Variants in DBR1 observed in about 807,000 individuals in gnomAD.
The protein encoded by DBR1 is debranching RNA lariats 1, also known as lariat debranching enzyme.
A neutral mutation model predicts 45.9 loss-of-function variants in DBR1; 33 were observed. The ratio of observed to expected loss-of-function variants is 0.72; its 90% CI spans 0.55 to 0.96. The LOEUF is 0.96. Among genes scored for constraint, DBR1 ranks in the 40% least tolerant of loss-of-function variants. The probability of loss-of-function intolerance (pLI) is 0.00; values close to 1 mark genes in which losing one functional copy is unlikely to be tolerated. For synonymous variants in DBR1, 235 were observed against 235.9 expected (o/e 1.00, Z 0.04); for missense variants, 619 against 667.4 (o/e 0.93, Z 0.80).
At chr3:138,167,543 GC>G (rs2107903971) in intron 4 of DBR1, among the ~76,000 whole-genome samples, 1 of 152,162 alleles carries the variant, frequency 6.6e-6, no homozygotes, top group East Asian at 1.9e-4. Context: ...CAGTGGCAAG[GC>G]AAGGCAATGG....
chr3:138,171,542 A>T, intron 3 of DBR1, 91 bp downstream of exon 3: 1 of 765,234 alleles, frequency 1.3e-6, no homozygotes, highest in Non-Finnish European at 2.2e-6. Context: ...GAGGATACAA[A>T]GATATATGAA....
intron 5 of DBR1, among the ~76,000 whole-genome samples, chr3:138,164,464 G>T (rs980918120): frequency 6.6e-6 from 1 of 152,116 alleles, no homozygotes; most frequent in Non-Finnish European, 1.5e-5. Flanking sequence ...CAAATCTATA[G>T]AAACACAAAG....
At chr3:138,170,764 AT>A (rs1429890243) in intron 3 of DBR1, among the ~76,000 whole-genome samples, 1 of 152,244 alleles carries the variant, frequency 6.6e-6, no homozygotes, top group Non-Finnish European at 1.5e-5. Flanking sequence ...ATCGATGTGA[AT>A]CCAAGCTATT....
In DBR1 at chr3:138,161,885, C is replaced by T. The variant is rs745898760; in HGVS notation, c.*4G>A. On this transcript the variant is annotated 3_prime_UTR_variant, in exon 8 of 8. Coordinates refer to ENST00000260803, the MANE Select transcript of DBR1 (RefSeq NM_016216.4). ...AAACACAAAAACAAAACAAGTAAAT[C>T]ATCTTAAGCTGCATCGTCATCATCA... is the stretch of plus-strand genomic sequence containing the variant. The T allele has an allele frequency of 6.2e-7, 1 of 1,601,086 alleles. No individual in the cohort carries two copies.
chr3:138,168,650 A>ACT (rs1320544086), intron 4 of DBR1, among the ~76,000 whole-genome samples: 2 of 151,578 alleles, frequency 1.3e-5, no homozygotes, highest in Non-Finnish European at 2.9e-5. Flanking sequence ...TAGGGTAATG[A>ACT]CTCTAAACTA....
rs747051713 is a variant in DBR1, at chr3:138,162,132, A to T, written c.1392T>A (p.Ser464Arg). 1 of 1,614,190 alleles carries T rather than the reference A, an allele frequency of 6.2e-7. No individual in the cohort carries two copies. The highest frequency in any genetic ancestry group is 1.3e-5 in the African/African-American group (1 of 75,050). ...CTGGCAAGATCCTGACATCAGAGAA[A>T]CTTGCAGAAAACTCAGAAGCTTGAT... is the stretch of plus-strand genomic sequence containing the variant. ...PSDQASEFSA[S>R]FSDVRILPGS... Residue 464 changes from serine to arginine, a missense_variant, in exon 8 of 8, where the codon AGT becomes AGA. Ser to Arg is a moderately radical substitution (Grantham distance 110). Coordinates refer to ENST00000260803, the MANE Select transcript of DBR1 (RefSeq NM_016216.4).
At position 138,174,717 on chromosome 3, in the gene DBR1, C is replaced by G. The variant is rs140271970; in HGVS notation, c.79G>C (p.Gly27Arg). 7 of 1,612,620 alleles carry G rather than the reference C, an allele frequency of 4.3e-6. No individual in the cohort carries two copies. Among genetic ancestry groups the G allele is most frequent in the Non-Finnish European group, 5.9e-6 (7 of 1,179,654 alleles). ...AGCAAGAGGTCGACAGGCCCCGGGC[C>G]GCGCCGCTCTGCCAGCGCCAGCGTC... ...YETLALAERR[G>R]PGPVDLLLCC... is the part of the protein sequence containing the mutation. Residue 27 changes from glycine to arginine, a missense_variant, in exon 1 of 8, where the codon GGC becomes CGC. Coordinates refer to ENST00000260803, the MANE Select transcript of DBR1 (RefSeq NM_016216.4).
At chr3:138,168,442 C>T (rs559388929) in intron 4 of DBR1, among the ~76,000 whole-genome samples, 1 of 151,488 alleles carries the variant, frequency 6.6e-6, no homozygotes, top group African/African-American at 2.4e-5. Context: ...ATCGCTTGAA[C>T]CCAGGAGGCA....
At chr3:138,166,745 G>A (rs546085575) in intron 5 of DBR1, among the ~76,000 whole-genome samples, 1 of 152,244 alleles carries the variant, frequency 6.6e-6, no homozygotes, top group South Asian at 2.1e-4. Context: ...TCGAGCCTCT[G>A]CACATGCCAG....
chr3:138,163,236 C>T, intron 7 of DBR1, 113 bp downstream of exon 7: 2 of 1,075,896 alleles, frequency 1.9e-6, no homozygotes, highest in South Asian at 3.4e-5. Flanking sequence ...CACTGCAGTC[C>T]AGTTTGGATA....
chr3:138,173,621 T>C lies in DBR1; in HGVS notation c.203A>G (p.Tyr68Cys), dbSNP rs2042965092. 6.2e-7 allele frequency: 1 copy of C among 1,612,716 alleles called. No homozygotes were observed. Among genetic ancestry groups the C allele is most frequent in the Non-Finnish European group, 8.5e-7 (1 of 1,179,604 alleles). Residue 68 changes from tyrosine to cysteine, a missense_variant, in exon 2 of 8, where the codon TAC (tyrosine) becomes TGC (cysteine). Physicochemically the swap from Tyr to Cys is radical, Grantham distance 194 (BLOSUM62 -2). This residue lies in a region of DBR1 where 430 missense variants were observed against 447.7 expected (regional missense o/e 0.96). Coordinates refer to ENST00000260803, the MANE Select transcript of DBR1 (RefSeq NM_016216.4). ...AACTGGAGCCTTTTTCTCTCCAGAG[T>C]AATACCTAGAACATAAGAGCAAAGT... ...YRHMQTFYRY[Y>C]SGEKKAPVLT...
chr3:138,169,292 G>A (rs2107904840), intron 4 of DBR1, among the ~76,000 whole-genome samples: 1 of 152,270 alleles, frequency 6.6e-6, no homozygotes, highest in African/African-American at 2.4e-5. Flanking sequence ...GAGATTATAT[G>A]AAATACCAAG....
At position 138,162,526 on chromosome 3, in the gene DBR1, T is replaced by A; in HGVS notation, c.998A>T (p.His333Leu). 1 of 1,613,478 alleles carries A rather than the reference T, an allele frequency of 6.2e-7. No individual in the cohort carries two copies. Among genetic ancestry groups the A allele is most frequent in the Non-Finnish European group, 8.5e-7 (1 of 1,179,364 alleles). ...GMKEVLEKLN[H>L]DLKVPCNFSV... ...AAAGTTACATGGAACCTTGAGATCA[T>A]GATTCAATTTTTCCAATACTTCTTT... Residue 333 changes from histidine (H) to leucine (L), a missense_variant, in exon 8 of 8, where the codon CAT becomes CTT. Around this residue, in one of 3 missense-constraint regions of DBR1, gnomAD observed 430 missense variants for 447.7 expected, o/e 0.96. Transcript: ENST00000260803.
chr3:138,173,914 G>T (rs1331434529), intron 1 of DBR1, among the ~76,000 whole-genome samples: 1 of 151,654 alleles, frequency 6.6e-6, no homozygotes, highest in African/African-American at 2.4e-5. Flanking sequence ...CCAGCTACTC[G>T]GGAGGCTGAG....
Position 138,174,812 on chromosome 3 carries a change from G to T in DBR1, c.-17C>A. The T allele has an allele frequency of 6.2e-7, 1 of 1,605,588 alleles. No individual in the cohort carries two copies. The highest frequency in any genetic ancestry group is 8.5e-7 in the Non-Finnish European group (1 of 1,177,228). On this transcript the variant is annotated 5_prime_UTR_variant, in exon 1 of 8. Coordinates refer to ENST00000260803, the MANE Select transcript of DBR1 (RefSeq NM_016216.4). ...CACCCGCATTCTGCCGGCCTGAGGA[G>T]GTGAGCGCTGCCTGCAACGCCCTAC...
At chr3:138,170,226 ATTTCC>A in intron 3 of DBR1, 34 bp from the exon 4 acceptor site, 11 of 1,305,794 alleles carry the variant, frequency 8.4e-6, no homozygotes, top group Non-Finnish European at 1.2e-5. Context: ...GCTATATTTA[ATTTCC>A]TTAAATACTG....
intron 2 of DBR1, 26 bp from the exon 3 acceptor site, chr3:138,171,739 A>G: frequency 6.5e-7 from 1 of 1,545,270 alleles, no homozygotes; most frequent in South Asian, 1.1e-5. Flanking sequence ...AAATAAAATT[A>G]CTGTAGGCAA....
At position 138,162,093 on chromosome 3, in the gene DBR1, T is replaced by C; in HGVS notation, c.1431A>G (p.Val477=). Residue 477 remains valine (V), a synonymous_variant, in exon 8 of 8, where the codon GTA becomes GTG. Transcript: ENST00000260803. ...TGGAATCCACCGTATCATCAGAAGA[T>C]ACAATCATAGAGCCTGGCAAGATCC... The part of the protein sequence containing the change: ...DVRILPGSMI[V]SSDDTVDSTI... 2 of 1,614,152 alleles carry C rather than the reference T, an allele frequency of 1.2e-6. No homozygotes were observed. Among genetic ancestry groups the C allele is most frequent in the Non-Finnish European group, 8.5e-7 (1 of 1,180,032 alleles).
Position 138,174,602 on chromosome 3 carries a change from T to C in DBR1, c.194A>G (p.Tyr65Cys), listed in dbSNP as rs769868644. The change falls in exon 1 of 8, where the codon TAC becomes TGC. Residue 65 changes from tyrosine to cysteine, a missense_variant. By Grantham distance (194) the Tyr-to-Cys change is radical (BLOSUM62 -2). This residue lies in a region of DBR1 where 430 missense variants were observed against 447.7 expected (regional missense o/e 0.96). Coordinates refer to ENST00000260803, the MANE Select transcript of DBR1 (RefSeq NM_016216.4). ...PPKYRHMQTF[Y>C]RYYSGEKKAP... Reference sequence around the variant, plus strand: ...CCGGGCCCGGCCGCGTCCTCACCTGTAGAAGGTTTGCATGTGACGATACTT... The same window carrying C: ...CCGGGCCCGGCCGCGTCCTCACCTGCAGAAGGTTTGCATGTGACGATACTT... 9 of 1,382,346 alleles carry C rather than the reference T, an allele frequency of 6.5e-6. No individual in the cohort carries two copies. The highest frequency in any genetic ancestry group is 1.9e-5 in the Admixed American group (1 of 53,282). 85.6% of individuals were successfully genotyped at this position (1,382,346 alleles called of 1,614,324 possible).
Sources: gnomAD v4.1 joint callset for allele counts (sites outside exome capture counted in the v4.1 genomes callset) on GRCh38, gnomAD v4.1.1 for gene constraint, gnomAD v4.1.1 regional missense constraint, MANE v1.5 for transcripts, NCBI Gene and HGNC (gene_info 2026-07-23, HGNC 2026-07-21) for gene names.